The following WIPF2 variants were observed in gnomAD, a reference collection of about 807,000 sequenced individuals.
WIPF2 encodes the protein WAS/WASL interacting protein family member 2, also known as WAS/WASL-interacting protein family member 2.
In WIPF2, 23 loss-of-function variants were observed where a neutral mutation model predicts 38.8. That is an observed-to-expected ratio of 0.59 (90% CI 0.43 to 0.84). The LOEUF is 0.84. Among genes scored for constraint, WIPF2 ranks in the 40% least tolerant of loss-of-function variants. The probability of loss-of-function intolerance (pLI) is 0.00; values close to 1 mark genes in which losing one functional copy is unlikely to be tolerated. For missense variants in WIPF2, 574 were observed against 580.5 expected, an observed-to-expected ratio of 0.99 and a Z score of 0.11; for synonymous variants, 210 against 223.2, an observed-to-expected ratio of 0.94 and a Z score of 0.53.
intron 5 of WIPF2, among the ~76,000 whole-genome samples, chr17:40,268,785 A>G (rs771665528): frequency 2.4e-4 from 37 of 152,188 alleles, no homozygotes; most frequent in Non-Finnish European, 2.9e-4. Flanking sequence ...TATTTTAGTC[A>G]GAGATCATTT....
At chr17:40,277,968 C>T (rs1023728188) in intron 7 of WIPF2, among the ~76,000 whole-genome samples, 8 of 152,022 alleles carry the variant, frequency 5.3e-5, no homozygotes, top group African/African-American at 1.9e-4. Context: ...TCAGGTGATC[C>T]GCCCGCCTCG....
At position 40,282,019 on chromosome 17, in the gene WIPF2, G is replaced by A. The variant is rs2143026994; in HGVS notation, c.*3794G>A. On this transcript the variant is annotated 3_prime_UTR_variant, in exon 8 of 8. Coordinates refer to ENST00000323571, the MANE Select transcript of WIPF2 (RefSeq NM_133264.5). Reference sequence around the variant, plus strand: ...GCTACCCTAATTTCGGGAATGGGAGGGGAGAGAGGAGGGCCATTACAACTC... The same window carrying A: ...GCTACCCTAATTTCGGGAATGGGAGAGGAGAGAGGAGGGCCATTACAACTC... The A allele has an allele frequency of 6.6e-6, 1 of 151,650 alleles. No individual in the cohort carries two copies. Among genetic ancestry groups the A allele is most frequent in the South Asian group, 2.1e-4 (1 of 4,766 alleles). 9.4% of individuals were successfully genotyped at this position (151,650 alleles called of 1,614,324 possible). A position where few individuals can be genotyped will look rare whatever the true frequency, so the allele number is the denominator to read the frequency against.
At position 40,282,454 on chromosome 17, in the gene WIPF2, CGCACGCGTGTGCGTGT is replaced by C. The variant is rs1384860948; in HGVS notation, c.*4231_*4246del. Reference sequence around the variant, plus strand: ...ATGACTAGAATGACACGTGTGCGTGCGCACGCGTGTGCGTGTGTGTGTTCATCTGTCTGCATGTGGA... The same window carrying C: ...ATGACTAGAATGACACGTGTGCGTGCGTGTGTTCATCTGTCTGCATGTGGA... On this transcript the variant is annotated 3_prime_UTR_variant, in exon 8 of 8. Coordinates refer to ENST00000323571, the MANE Select transcript of WIPF2 (RefSeq NM_133264.5). The C allele has an allele frequency of 3.3e-5, 5 of 151,768 alleles. No homozygotes were observed. The highest frequency in any genetic ancestry group is 2.0e-4 in the Admixed American group (3 of 15,282). 9.4% of individuals were successfully genotyped at this position (151,768 alleles called of 1,614,324 possible).
intron 1 of WIPF2, among the ~76,000 whole-genome samples, chr17:40,248,643 T>G (rs961826428): frequency 6.6e-6 from 1 of 152,192 alleles, no homozygotes; most frequent in African/African-American, 2.4e-5. Context: ...TCTCTGATGC[T>G]GTTAGAGAGA....
chr17:40,266,750 A>G (rs754374957), intron 5 of WIPF2, among the ~76,000 whole-genome samples: 2 of 152,052 alleles, frequency 1.3e-5, no homozygotes, highest in Non-Finnish European at 2.9e-5. Flanking sequence ...GGAGAGAGGG[A>G]AAAAATTGAA....
intron 1 of WIPF2, among the ~76,000 whole-genome samples, chr17:40,252,122 T>G (rs1324723017): frequency 2.0e-5 from 3 of 152,172 alleles, no homozygotes; most frequent in Non-Finnish European, 4.4e-5. Context: ...GAGTCTATTT[T>G]AGGAAGGCAT....
chr17:40,231,931 C>A (rs201844966), intron 1 of WIPF2, among the ~76,000 whole-genome samples: 4 of 109,684 alleles, frequency 3.6e-5, no homozygotes. Context: ...TTGATTTTTT[C>A]TTTCTTTTTT....
chr17:40,241,726 G>A (rs996943992), intron 1 of WIPF2, among the ~76,000 whole-genome samples: 2 of 152,130 alleles, frequency 1.3e-5, no homozygotes, highest in Non-Finnish European at 2.9e-5. Flanking sequence ...TTTATGCAGC[G>A]TCATTTTTGG....
chr17:40,270,892 G>A (rs140270131), intron 5 of WIPF2, among the ~76,000 whole-genome samples: 2 of 152,110 alleles, frequency 1.3e-5, no homozygotes, highest in South Asian at 2.1e-4. Context: ...TTGTGTGTGT[G>A]TGTGTGTGTA....
chr17:40,270,236 G>A (rs1180105670), intron 5 of WIPF2, among the ~76,000 whole-genome samples: 4 of 151,592 alleles, frequency 2.6e-5, no homozygotes, highest in African/African-American at 9.7e-5. Context: ...CGTGGTGGCG[G>A]GTGCCTGTAG....
intron 5 of WIPF2, among the ~76,000 whole-genome samples, chr17:40,267,871 T>C (rs917849650): frequency 5.9e-5 from 9 of 152,176 alleles, no homozygotes; most frequent in Non-Finnish European, 1.2e-4. Context: ...AGTCTGGGCA[T>C]GATGGCTCAC....
At chr17:40,272,872 A>G (rs1439468430) in intron 5 of WIPF2, among the ~76,000 whole-genome samples, 3 of 152,170 alleles carry the variant, frequency 2.0e-5, no homozygotes, top group African/African-American at 7.2e-5. Flanking sequence ...ATAAATAATT[A>G]TAATAGTCTA....
At chr17:40,242,852 C>T (rs2031238991) in intron 1 of WIPF2, among the ~76,000 whole-genome samples, 1 of 152,204 alleles carries the variant, frequency 6.6e-6, no homozygotes, top group African/African-American at 2.4e-5. Flanking sequence ...TACACGTCCG[C>T]CTATCTCCCA....
chr17:40,255,628 A>ATTTTTTT (rs1174598826), intron 1 of WIPF2, among the ~76,000 whole-genome samples: 1 of 129,378 alleles, frequency 7.7e-6, no homozygotes, highest in South Asian at 2.4e-4. Flanking sequence ...CCCGGCCTAA[A>ATTTTTTT]TTTTTTTTTT....
chr17:40,255,525 A>G (rs1279970489), intron 1 of WIPF2, among the ~76,000 whole-genome samples: 1 of 150,572 alleles, frequency 6.6e-6, no homozygotes, highest in East Asian at 2.0e-4. Flanking sequence ...GGGTTTCTCC[A>G]TGTTGGTCAG....
intron 1 of WIPF2, among the ~76,000 whole-genome samples, chr17:40,238,716 C>T (rs920984441): frequency 2.6e-5 from 4 of 151,910 alleles, no homozygotes; most frequent in Non-Finnish European, 5.9e-5. Flanking sequence ...CGGGTTCAAG[C>T]GATTCTCCTG....
chr17:40,251,603 A>G (rs1370513308), intron 1 of WIPF2, among the ~76,000 whole-genome samples: 1 of 152,206 alleles, frequency 6.6e-6, no homozygotes, highest in African/African-American at 2.4e-5. Context: ...AAACCACACT[A>G]ATTTCCAGGG....
rs531930540 is a variant in WIPF2 at position 40,239,817 on chromosome 17, C to G, written c.-69-16574C>G. Among the ~76,000 whole-genome samples the G allele has an allele frequency of 4.6e-5, 7 of 151,760 alleles. No homozygotes were observed. The East Asian group carries it at 1.2e-3, about 25-fold the overall frequency. ...CTTCAAAGGATTCTCCTGCCTCAGCCTCCCAAGTAGCTGGGATTACAAGTG... is the reference window on the plus strand; with the variant it reads ...CTTCAAAGGATTCTCCTGCCTCAGCGTCCCAAGTAGCTGGGATTACAAGTG... On this transcript the variant is annotated intron_variant, in intron 1 of 7. Transcript: ENST00000323571.
intron 1 of WIPF2, among the ~76,000 whole-genome samples, chr17:40,248,794 A>G (rs935510949): frequency 6.6e-6 from 1 of 152,186 alleles, no homozygotes; most frequent in Non-Finnish European, 1.5e-5. Context: ...GTTTTTTCAG[A>G]GAGGATCCTG....
Sources: gnomAD v4.1 joint callset for allele counts (sites outside exome capture counted in the v4.1 genomes callset) on GRCh38, gnomAD v4.1.1 for gene constraint, MANE v1.5 for transcripts, NCBI Gene and HGNC (gene_info 2026-07-23, HGNC 2026-07-21) for gene names.